The following PCCA variants were observed in gnomAD, a reference collection of about 807,000 sequenced individuals.
PCCA encodes the protein propionyl-CoA carboxylase alpha chain, mitochondrial.
A neutral mutation model predicts 101.3 loss-of-function variants in PCCA; 74 were observed. The observed-to-expected ratio is 0.73, with a 90% CI of 0.61 to 0.89. The LOEUF is 0.89. Ranked by LOEUF, PCCA falls within the 40% of genes least tolerant of loss-of-function variation. The pLI, the probability that PCCA is intolerant of heterozygous loss-of-function variation, is 0.00. For missense variants in PCCA, 891 were observed against 907.0 expected, an observed-to-expected ratio of 0.98 and a Z score of 0.23; for synonymous variants, 294 against 313.6, an observed-to-expected ratio of 0.94 and a Z score of 0.66.
chr13:100,398,765 T>C (rs2077178014), intron 19 of PCCA, among the ~76,000 whole-genome samples: 1 of 152,192 alleles, frequency 6.6e-6, no homozygotes, highest in Non-Finnish European at 1.5e-5. Context: ...TTTTAGATAT[T>C]GACATGCAAT....
intron 18 of PCCA, among the ~76,000 whole-genome samples, chr13:100,361,201 A>G (rs2074543554): frequency 6.6e-6 from 1 of 152,212 alleles, no homozygotes; most frequent in African/African-American, 2.4e-5. Context: ...ACTCTGTATC[A>G]TACTGTAATT....
intron 4 of PCCA, chr13:100,150,543 C>CAATA (rs2053179921): frequency 7.6e-7 from 1 of 1,316,372 alleles, no homozygotes; most frequent in African/African-American, 1.4e-5. Flanking sequence ...CGAGAACCAC[C>CAATA]AATAGTGTGG....
At chr13:100,447,010 T>A (rs942983420) in intron 20 of PCCA, among the ~76,000 whole-genome samples, 4 of 152,230 alleles carry the variant, frequency 2.6e-5, no homozygotes, top group African/African-American at 4.8e-5. Flanking sequence ...ATTGTTCAGT[T>A]CTATAAACTA....
intron 19 of PCCA, among the ~76,000 whole-genome samples, chr13:100,376,846 G>A (rs1014291662): frequency 1.4e-4 from 21 of 152,144 alleles, no homozygotes; most frequent in Non-Finnish European, 3.1e-4. Context: ...AGGCACCACT[G>A]GGGTATGAAA....
intron 19 of PCCA, among the ~76,000 whole-genome samples, chr13:100,390,932 C>T (rs2076768646): frequency 6.6e-6 from 1 of 151,926 alleles, no homozygotes; most frequent in South Asian, 2.1e-4. Context: ...TTAATAAATT[C>T]TTAAGTGCTG....
intron 21 of PCCA, among the ~76,000 whole-genome samples, chr13:100,478,157 A>AT (rs1373870711): frequency 6.6e-6 from 1 of 151,868 alleles, no homozygotes; most frequent in Non-Finnish European, 1.5e-5. Context: ...GGACATATTT[A>AT]TTTTTCTGTG....
intron 19 of PCCA, among the ~76,000 whole-genome samples, chr13:100,388,836 G>A (rs957044734): frequency 2.0e-5 from 3 of 152,132 alleles, no homozygotes; most frequent in African/African-American, 7.2e-5. Context: ...ATTCACTTTG[G>A]TATGATATTT....
At chr13:100,466,017 A>G (rs2082489837) in intron 21 of PCCA, 1 of 152,256 alleles carries the variant, frequency 6.6e-6, no homozygotes, top group African/African-American at 2.4e-5. Context: ...AATTTAGGGC[A>G]AAGTCTAGTT....
chr13:100,299,318 A>G (rs748025396), intron 12 of PCCA, among the ~76,000 whole-genome samples: 1 of 152,222 alleles, frequency 6.6e-6, no homozygotes, highest in Admixed American at 6.5e-5. Flanking sequence ...TCCCTCTTCA[A>G]AGGTGAAGCA....
intron 19 of PCCA, among the ~76,000 whole-genome samples, chr13:100,395,598 G>A (rs1304124106): frequency 6.6e-6 from 1 of 151,832 alleles, no homozygotes; most frequent in Admixed American, 6.6e-5. Flanking sequence ...AAGAATTATG[G>A]GTGTGGCTCA....
Position 100,515,480 on chromosome 13 carries a change from G to T in PCCA, c.1953G>T (p.Leu651=), listed in dbSNP as rs765771203. The T allele has an allele frequency of 8.7e-6, 14 of 1,613,988 alleles. No homozygotes were observed. The highest frequency in any genetic ancestry group is 1.1e-5 in the Non-Finnish European group (13 of 1,179,986). ...CCGCAGAATTGAACAAATTTATGCT[G>T]GAAAAAGTGACTGAGGACACAAGCA... ...RLAAELNKFM[L]EKVTEDTSSV... The change falls in exon 22 of 24, where the codon CTG becomes CTT. Residue 651 remains leucine (L), a synonymous_variant. Coordinates refer to ENST00000376285, the MANE Select transcript of PCCA (RefSeq NM_000282.4).
At chr13:100,373,517 AT>A (rs765537923) in intron 19 of PCCA, among the ~76,000 whole-genome samples, 1 of 152,234 alleles carries the variant, frequency 6.6e-6, no homozygotes, top group Non-Finnish European at 1.5e-5. Context: ...ATACTGTACG[AT>A]TCCACTTATA....
At chr13:100,170,069 A>G (rs1384579133) in intron 6 of PCCA, among the ~76,000 whole-genome samples, 2 of 152,198 alleles carry the variant, frequency 1.3e-5, no homozygotes, top group Non-Finnish European at 2.9e-5. Context: ...TCTTTGCTAG[A>G]TTAGATAAGT....
intron 16 of PCCA, among the ~76,000 whole-genome samples, chr13:100,322,207 G>T (rs1021350931): frequency 6.6e-6 from 1 of 152,120 alleles, no homozygotes; most frequent in African/African-American, 2.4e-5. Context: ...CTGAGTTTCT[G>T]CCATGTCAGG....
At chr13:100,398,536 A>G (rs2077165202) in intron 19 of PCCA, among the ~76,000 whole-genome samples, 1 of 152,188 alleles carries the variant, frequency 6.6e-6, no homozygotes, top group Non-Finnish European at 1.5e-5. Flanking sequence ...CTTGATTTGA[A>G]TTGTTCCGCT....
intron 21 of PCCA, among the ~76,000 whole-genome samples, chr13:100,453,582 CTG>C (rs1259317284): frequency 2.0e-5 from 3 of 152,032 alleles, no homozygotes; most frequent in Non-Finnish European, 4.4e-5. Context: ...GATAAGGAAA[CTG>C]TATCTTAGAA....
intron 2 of PCCA, among the ~76,000 whole-genome samples, chr13:100,107,818 A>G (rs4772264): frequency 0.92 from 139,618 of 152,242 alleles, 64,142 homozygotes; most frequent in East Asian, 0.99. Context: ...TGCACAGAAG[A>G]GATTCATCAC....
intron 4 of PCCA, among the ~76,000 whole-genome samples, chr13:100,119,864 A>G (rs2049192258): frequency 6.6e-6 from 1 of 151,700 alleles, no homozygotes; most frequent in Non-Finnish European, 1.5e-5. Flanking sequence ...TTTCATTTTT[A>G]TATTATTTAT....
At chr13:100,390,249 A>G (rs1375967680) in intron 19 of PCCA, among the ~76,000 whole-genome samples, 1 of 152,220 alleles carries the variant, frequency 6.6e-6, no homozygotes, top group Admixed American at 6.5e-5. Flanking sequence ...TTCCAATCCT[A>G]TAAAGCATAA....
Sources: gnomAD v4.1 joint callset for allele counts (sites outside exome capture counted in the v4.1 genomes callset) on GRCh38, gnomAD v4.1.1 for gene constraint, MANE v1.5 for transcripts, NCBI Gene and HGNC (gene_info 2026-07-23, HGNC 2026-07-21) for gene names.